Variants in AGMO observed in about 807,000 individuals in gnomAD.
The protein encoded by AGMO is glyceryl-ether monooxygenase.
In AGMO, 75 loss-of-function variants were observed where a neutral mutation model predicts 60.2. The observed-to-expected ratio is 1.25, with a 90% CI of 1.03 to 1.51. The LOEUF is 1.51. Ranked by LOEUF, AGMO falls within the 40% of genes most tolerant of loss-of-function variation. AGMO has a pLI of 0.00. For missense variants in AGMO, 763 were observed against 525.5 expected, an observed-to-expected ratio of 1.45 and a Z score of -4.42; for synonymous variants, 261 against 177.1, an observed-to-expected ratio of 1.47 and a Z score of -3.76.
the AGMO span, among the ~76,000 whole-genome samples, chr7:15,121,851 G>T: frequency 6.6e-6 from 1 of 152,000 alleles, no homozygotes; most frequent in African/African-American, 2.4e-5. Context: ...TGGAAAAACT[G>T]GCTAGCCACA....
chr7:15,361,374 C>T (rs752233503), intron 12 of AGMO, among the ~76,000 whole-genome samples: 1 of 151,188 alleles, frequency 6.6e-6, no homozygotes, highest in Non-Finnish European at 1.5e-5. Flanking sequence ...CCCATCTCTA[C>T]TAAAAATACA....
chr7:15,558,984 G>A (rs562095836), intron 2 of AGMO, among the ~76,000 whole-genome samples: 2 of 152,146 alleles, frequency 1.3e-5, no homozygotes, highest in African/African-American at 2.4e-5. Flanking sequence ...GCAGCTCAAA[G>A]CACAGACTTC....
chr7:15,410,024 G>C (rs527622106), intron 5 of AGMO, among the ~76,000 whole-genome samples: 68 of 151,182 alleles, frequency 4.5e-4, no homozygotes, highest in African/African-American at 1.6e-3. Context: ...AAATAGAAAT[G>C]ATACTCATTA....
chr7:15,284,790 G>A (rs144169356), intron 12 of AGMO, among the ~76,000 whole-genome samples: 1 of 151,926 alleles, frequency 6.6e-6, no homozygotes, highest in Admixed American at 6.5e-5. Flanking sequence ...GAAAACCACA[G>A]ACCAATATCC....
the AGMO span, among the ~76,000 whole-genome samples, chr7:15,149,056 T>C: frequency 2.6e-5 from 4 of 152,238 alleles, no homozygotes; most frequent in African/African-American, 7.2e-5. Flanking sequence ...TTGATTTGCA[T>C]TTCCCTAATG....
At chr7:15,266,748 T>C (rs1783444208) in intron 12 of AGMO, among the ~76,000 whole-genome samples, 1 of 151,924 alleles carries the variant, frequency 6.6e-6, no homozygotes, top group South Asian at 2.1e-4. Context: ...TTCTATATTC[T>C]TATTTTATAT....
chr7:15,190,701 C>A, the AGMO span, among the ~76,000 whole-genome samples: 1 of 152,062 alleles, frequency 6.6e-6, no homozygotes, highest in African/African-American at 2.4e-5. Flanking sequence ...CAACGAAATA[C>A]AAATTATTGA....
chr7:15,525,361 T>G (rs907409807), intron 3 of AGMO, among the ~76,000 whole-genome samples: 1 of 152,112 alleles, frequency 6.6e-6, no homozygotes, highest in Non-Finnish European at 1.5e-5. Flanking sequence ...TGACTTCCTC[T>G]GATTGATCCC....
chr7:15,449,109 G>GA (rs1781788420), intron 3 of AGMO, among the ~76,000 whole-genome samples: 1 of 151,864 alleles, frequency 6.6e-6, no homozygotes. Flanking sequence ...TTGTTTAGAT[G>GA]GAAAAAGAAG....
At chr7:15,313,499 A>AT (rs1433799193) in intron 12 of AGMO, among the ~76,000 whole-genome samples, 1 of 152,166 alleles carries the variant, frequency 6.6e-6, no homozygotes, top group Admixed American at 6.6e-5. Flanking sequence ...AGGATGGGCA[A>AT]TTTTTACCAG....
chr7:15,445,741 G>T (rs1395601913), intron 3 of AGMO, among the ~76,000 whole-genome samples: 3 of 152,072 alleles, frequency 2.0e-5, no homozygotes, highest in Non-Finnish European at 4.4e-5. Flanking sequence ...TTCCCAAATA[G>T]AGAAGAAAGA....
intron 12 of AGMO, among the ~76,000 whole-genome samples, chr7:15,359,072 G>C (rs1232085262): frequency 6.6e-6 from 1 of 152,046 alleles, no homozygotes; most frequent in Admixed American, 6.5e-5. Context: ...GGCGGATCAT[G>C]AGGTCAGGAG....
chr7:15,249,679 C>A (rs770882698), intron 12 of AGMO, among the ~76,000 whole-genome samples: 2 of 151,228 alleles, frequency 1.3e-5, no homozygotes, highest in East Asian at 3.9e-4. Flanking sequence ...AACAGAGTTA[C>A]AAGGATGTGA....
At chr7:15,272,686 A>G (rs1783652036) in intron 12 of AGMO, among the ~76,000 whole-genome samples, 1 of 152,112 alleles carries the variant, frequency 6.6e-6, no homozygotes, top group South Asian at 2.1e-4. Flanking sequence ...CTAGTTCTAG[A>G]TTCTTGAGGA....
At chr7:15,208,789 G>A (rs183049597) in intron 12 of AGMO, among the ~76,000 whole-genome samples, 4 of 151,992 alleles carry the variant, frequency 2.6e-5, no homozygotes, top group Admixed American at 6.5e-5. Flanking sequence ...TTCTGCATAC[G>A]CCTAACATTG....
chr7:15,197,887 A>T (rs895492588), downstream of AGMO, among the ~76,000 whole-genome samples: 1 of 152,152 alleles, frequency 6.6e-6, no homozygotes, highest in Non-Finnish European at 1.5e-5. Flanking sequence ...ATGGACTTCA[A>T]TGTTCGACTT....
chr7:15,351,123 G>C (rs776580718), intron 12 of AGMO, among the ~76,000 whole-genome samples: 7 of 152,106 alleles, frequency 4.6e-5, no homozygotes, highest in Non-Finnish European at 1.0e-4. Context: ...TAAGAAGGTT[G>C]AATTTACTTA....
intron 12 of AGMO, among the ~76,000 whole-genome samples, chr7:15,351,775 T>C (rs116124296): frequency 0.011 from 1,612 of 152,296 alleles, 34 homozygotes; most frequent in African/African-American, 0.038. Context: ...AATAACAAAG[T>C]ATACGGCTAG....
intron 3 of AGMO, among the ~76,000 whole-genome samples, chr7:15,496,455 AC>A (rs1267681673): frequency 5.9e-5 from 9 of 152,010 alleles, no homozygotes. Flanking sequence ...GATTCCCTAA[AC>A]TCAGGGTTTC....
Sources: allele counts gnomAD v4.1 joint callset (sites outside exome capture counted in the v4.1 genomes callset), GRCh38; gene constraint gnomAD v4.1.1; transcripts MANE v1.5; gene names NCBI Gene and HGNC (gene_info 2026-07-23, HGNC 2026-07-21).